The following TACC2 variants were observed in gnomAD, a reference collection of about 807,000 sequenced individuals.
TACC2 encodes transforming acidic coiled-coil containing protein 2.
TACC2 carries 137 observed loss-of-function variants against 227.3 expected under a neutral mutation model. The ratio of observed to expected loss-of-function variants is 0.60; its 90% CI spans 0.52 to 0.69. The LOEUF (loss-of-function observed/expected upper bound fraction) is 0.69, where lower values mean the gene tolerates loss of function less well. Ranked by LOEUF, TACC2 falls within the 30% of genes least tolerant of loss-of-function variation. The pLI, the probability that TACC2 is intolerant of heterozygous loss-of-function variation, is 0.00. For missense variants in TACC2, 3,470 were observed against 3,694.4 expected (o/e 0.94, Z 1.57); for synonymous variants, 1,523 against 1,487.5 (o/e 1.02, Z -0.55).
intron 8 of TACC2, among the ~76,000 whole-genome samples, chr10:122,204,380 GC>G (rs2095032607): frequency 6.6e-6 from 1 of 152,334 alleles, no homozygotes; most frequent in African/African-American, 2.4e-5. Context: ...AACCGGCTGA[GC>G]CCTTGTGCTG....
rs115850306 is a variant in TACC2 at position 122,140,724 on chromosome 10, C to T, written c.5700-2848C>T. Among the ~76,000 whole-genome samples the T allele has an allele frequency of 3.2e-3, 483 of 152,312 alleles. 1 individual carries two copies. Among genetic ancestry groups the T allele is most frequent in the African/African-American group, 0.011 (454 of 41,568 alleles). On this transcript the variant is annotated intron_variant, in intron 6 of 22. Coordinates refer to ENST00000369005, the MANE Select transcript of TACC2 (RefSeq NM_206862.4). The stretch of plus-strand genomic sequence containing the variant: ...CTTTAAGAGGAGTCACTGCTGGTCA[C>T]GGGAGGCTTGAACGCAGATGGGAGC...
chr10:122,192,288 G>A (rs756152066), intron 7 of TACC2, among the ~76,000 whole-genome samples: 1 of 152,176 alleles, frequency 6.6e-6, no homozygotes, highest in Non-Finnish European at 1.5e-5. Context: ...GATCGTGAAC[G>A]GCGGTCCCTC....
chr10:122,000,919 C>G (rs1361517467), intron 1 of TACC2, among the ~76,000 whole-genome samples: 1 of 152,138 alleles, frequency 6.6e-6, no homozygotes, highest in East Asian at 1.9e-4. Flanking sequence ...ACCTCCTGGG[C>G]TCAAGCGATT....
chr10:122,129,168 A>G (rs2087534347), intron 5 of TACC2, among the ~76,000 whole-genome samples: 2 of 150,698 alleles, frequency 1.3e-5, no homozygotes, highest in Non-Finnish European at 3.0e-5. Context: ...GCAATCTCCA[A>G]CTCCTGGGTT....
chr10:122,147,545 T>G (rs4619085), intron 7 of TACC2, among the ~76,000 whole-genome samples: 1 of 152,342 alleles, frequency 6.6e-6, no homozygotes, highest in Admixed American at 6.5e-5. Context: ...TCTGTTAGGG[T>G]GGAACATCTA....
rs1165099565 is a variant in TACC2 at position 122,085,619 on chromosome 10, C to T, written c.3119C>T (p.Thr1040Ile). 1 of 1,613,396 alleles carries T rather than the reference C, an allele frequency of 6.2e-7. No homozygotes were observed. The highest frequency in any genetic ancestry group is 1.1e-5 in the South Asian group (1 of 91,082). Residue 1040 changes from threonine (T) to isoleucine (I), a missense_variant, in exon 4 of 23, where the codon ACA becomes ATA. Thr to Ile is a moderately conservative substitution (Grantham distance 89). Coordinates refer to ENST00000369005, the MANE Select transcript of TACC2 (RefSeq NM_206862.4). ...LSKREMASGNTGEAPPCQPDS... is the reference protein window; with the variant it reads ...LSKREMASGNIGEAPPCQPDS... ...AAGAGGGAGATGGCAAGTGGAAACACAGGGGAGGCCCCACCTTGTCAGCCT... is the reference window on the plus strand; with the variant it reads ...AAGAGGGAGATGGCAAGTGGAAACATAGGGGAGGCCCCACCTTGTCAGCCT...
chr10:122,176,139 A>ATC, intron 7 of TACC2, among the ~76,000 whole-genome samples: 1 of 144,178 alleles, frequency 6.9e-6, no homozygotes, highest in South Asian at 2.2e-4. Flanking sequence ...ATATATATAT[A>ATC]TATATATGAA....
At chr10:122,192,782 G>C (rs1193201658) in intron 7 of TACC2, 1 of 456,544 alleles carries the variant, frequency 2.2e-6, no homozygotes, top group Non-Finnish European at 4.4e-6. Context: ...GTGCTTCAGG[G>C]AGACTCTGGA....
chr10:122,216,999 G>A (rs907451567), intron 11 of TACC2, 171 bp downstream of exon 11: 8 of 1,364,782 alleles, frequency 5.9e-6, no homozygotes, highest in Middle Eastern at 2.1e-4. Context: ...TTTGAAAACA[G>A]CCTGAGACTT....
chr10:122,181,397 T>C, intron 7 of TACC2, among the ~76,000 whole-genome samples: 1 of 152,170 alleles, frequency 6.6e-6, no homozygotes, highest in South Asian at 2.1e-4. Flanking sequence ...AAAGATGCAA[T>C]AATTTTGGTG....
intron 7 of TACC2, among the ~76,000 whole-genome samples, chr10:122,170,001 T>G (rs889764951): frequency 2.0e-5 from 3 of 152,158 alleles, no homozygotes; most frequent in Non-Finnish European, 4.4e-5. Context: ...TTCTCCCGCC[T>G]TGGCCTCCCA....
At chr10:122,234,859 C>T (rs571171723) in intron 16 of TACC2, among the ~76,000 whole-genome samples, 2 of 152,266 alleles carry the variant, frequency 1.3e-5, no homozygotes, top group South Asian at 2.1e-4. Context: ...TTTTCTCCTG[C>T]GCTGCAGGGA....
intron 5 of TACC2, among the ~76,000 whole-genome samples, chr10:122,090,661 A>AT (rs1416999725): frequency 6.6e-6 from 1 of 151,824 alleles, no homozygotes; most frequent in Non-Finnish European, 1.5e-5. Flanking sequence ...ATTTTAGCAG[A>AT]TTTTTAGTGC....
intron 5 of TACC2, among the ~76,000 whole-genome samples, chr10:122,114,577 C>G (rs2084296339): frequency 1.3e-5 from 2 of 152,178 alleles, no homozygotes; most frequent in Non-Finnish European, 2.9e-5. Flanking sequence ...TTCTCACAGG[C>G]TCTGCCTGGG....
intron 22 of TACC2, 60 bp from the exon 23 acceptor site, chr10:122,253,931 G>C (rs1210396517): frequency 6.8e-7 from 1 of 1,462,156 alleles, no homozygotes; most frequent in Non-Finnish European, 9.6e-7. Flanking sequence ...AAAGCCCCAT[G>C]AGCATTCTGA....
At chr10:122,193,042 T>C (rs1029244839) in intron 7 of TACC2, among the ~76,000 whole-genome samples, 4 of 152,222 alleles carry the variant, frequency 2.6e-5, no homozygotes, top group African/African-American at 4.8e-5. Context: ...CTTCTCCCCA[T>C]AGACAAAAGC....
intron 9 of TACC2, among the ~76,000 whole-genome samples, chr10:122,212,627 G>T (rs1420112165): frequency 1.3e-5 from 2 of 152,208 alleles, no homozygotes; most frequent in Admixed American, 6.5e-5. Flanking sequence ...CACAGCGCTG[G>T]CCCCTCTGGG....
chr10:122,098,423 G>T (rs2081730336), intron 5 of TACC2, among the ~76,000 whole-genome samples: 2 of 152,148 alleles, frequency 1.3e-5, no homozygotes, highest in African/African-American at 4.8e-5. Flanking sequence ...GCTATCAGGT[G>T]AGTCTGAGGG....
intron 2 of TACC2, among the ~76,000 whole-genome samples, chr10:122,033,882 G>T (rs2461212): frequency 0.37 from 56,187 of 151,900 alleles, 11,047 homozygotes; most frequent in African/African-American, 0.47. Flanking sequence ...CCAAGTGCGG[G>T]GGCTCATGCC....
Sources: allele counts gnomAD v4.1 joint callset (sites outside exome capture counted in the v4.1 genomes callset), GRCh38; gene constraint gnomAD v4.1.1; transcripts MANE v1.5; gene names NCBI Gene and HGNC (gene_info 2026-07-23, HGNC 2026-07-21).